Variants in LHX8 observed in about 807,000 individuals in gnomAD.
LHX8 encodes the protein LIM homeobox 8.
In LHX8, 12 loss-of-function variants were observed where a neutral mutation model predicts 40.3. The observed-to-expected ratio is 0.30, with a 90% confidence interval of 0.19 to 0.48. The LOEUF is 0.48. LHX8 is among the 20% of genes least tolerant of loss of function. The pLI, the probability that LHX8 is intolerant of heterozygous loss-of-function variation, is 0.99. For synonymous variants in LHX8, 179 were observed against 162.0 expected (o/e 1.10, Z -0.80); for missense variants, 344 against 433.7 (o/e 0.79, Z 1.84).
the LHX8 span, among the ~76,000 whole-genome samples, chr1:75,197,081 C>T: frequency 6.6e-6 from 1 of 151,950 alleles, no homozygotes; most frequent in East Asian, 1.9e-4. Context: ...TTTCTAATAG[C>T]AGGAAAAATT....
the LHX8 span, among the ~76,000 whole-genome samples, chr1:75,176,591 A>G: frequency 1.3e-5 from 2 of 152,154 alleles, no homozygotes; most frequent in African/African-American, 4.8e-5. Flanking sequence ...TCAGACGGGT[A>G]GATTGCAAAA....
At chr1:75,196,131 C>T in the LHX8 span, among the ~76,000 whole-genome samples, 1 of 152,120 alleles carries the variant, frequency 6.6e-6, no homozygotes, top group South Asian at 2.1e-4. Flanking sequence ...TAATAACGAT[C>T]GAGTTGGATT....
the LHX8 span, among the ~76,000 whole-genome samples, chr1:75,195,848 C>G: frequency 6.6e-6 from 1 of 152,020 alleles, no homozygotes; most frequent in Non-Finnish European, 1.5e-5. Context: ...CTTCAATTCC[C>G]TATACCTACT....
chr1:75,155,663 TG>T (rs1263379363), intron 7 of LHX8, among the ~76,000 whole-genome samples: 106 of 152,338 alleles, frequency 7.0e-4, no homozygotes, highest in African/African-American at 2.4e-3. Flanking sequence ...AAGCTCCACT[TG>T]CCCTGAATTT....
the LHX8 span, among the ~76,000 whole-genome samples, chr1:75,174,543 C>T: frequency 6.6e-6 from 1 of 152,182 alleles, no homozygotes; most frequent in Non-Finnish European, 1.5e-5. Context: ...ACACACGCCA[C>T]AGCCATTGCC....
In LHX8 at chr1:75,134,876, CA is replaced by C. The variant is rs367853943; in HGVS notation, c.-87del. 4.6e-4 allele frequency: 449 copies of C among 984,458 alleles called. 1 individual carries two copies. The African/African-American group carries it at 7.1e-3, about 16-fold the overall frequency. The allele number at this position is 984,458 out of a possible 1,614,324, so 61.0% of individuals were successfully genotyped here. On this transcript the variant is annotated 5_prime_UTR_variant, in exon 1 of 9. Coordinates refer to ENST00000356261, the MANE Select transcript of LHX8 (RefSeq NM_001256114.2). ...GTCAGTAATCATTGCACTCCCTCCC[CA>C]AAAGCTCACTTAACCTGAGACATGG...
chr1:75,159,474 A>G (rs1648858677), intron 8 of LHX8: 1 of 152,128 alleles, frequency 6.6e-6, no homozygotes, highest in Non-Finnish European at 1.5e-5. Context: ...TTTCTAGTTC[A>G]CTAATGCTCT....
Position 75,148,674 on chromosome 1 carries a change from G to A in LHX8, c.772G>A (p.Val258Met). 6.2e-7 allele frequency: 1 copy of A among 1,607,042 alleles called. No homozygotes were observed. The highest frequency in any genetic ancestry group is 8.5e-7 in the Non-Finnish European group (1 of 1,174,970). The change falls in exon 7 of 9, where the codon GTG becomes ATG. Residue 258 changes from valine (V) to methionine (M), a missense_variant. Physicochemically the swap from Val to Met is conservative, Grantham distance 21. Transcript: ENST00000356261. ...LAERTGLSRRVIQVWFQNCRA... is the reference protein window; with the variant it reads ...LAERTGLSRRMIQVWFQNCRA... ...AGAAAGGACAGGCTTGAGCAGACGT[G>A]TGATACAGGTGATTACTTTACTTTT...
At chr1:75,166,356 T>C (rs1159468612), downstream of LHX8, among the ~76,000 whole-genome samples, 2 of 152,246 alleles carry the variant, frequency 1.3e-5, no homozygotes, top group Admixed American at 6.5e-5. Context: ...TTCTGTGATT[T>C]GGATGTAGAG....
the LHX8 span, among the ~76,000 whole-genome samples, chr1:75,178,685 T>C: frequency 6.6e-6 from 1 of 152,230 alleles, no homozygotes; most frequent in African/African-American, 2.4e-5. Context: ...AGTTCTGCTC[T>C]GATCTTAGTT....
At chr1:75,197,283 T>C in the LHX8 span, among the ~76,000 whole-genome samples, 1 of 152,190 alleles carries the variant, frequency 6.6e-6, no homozygotes, top group South Asian at 2.1e-4. Context: ...AGATATTATC[T>C]ACTTCTCTCT....
In LHX8 at chr1:75,136,671, C is replaced by T; in HGVS notation, c.57C>T (p.Gly19=). Residue 19 remains glycine (G), a synonymous_variant, in exon 2 of 9, where the codon GGC becomes GGT. Transcript: ENST00000356261. ...TALAAGRTRK[G]AGEEGLVSPE... ...TGGCGGCCGGGAGGACTCGCAAAGG[C>T]GCCGGGGAAGAGGGACTGGTGAGTG... 1 of 1,547,098 alleles carries T rather than the reference C, an allele frequency of 6.5e-7. No homozygotes were observed. The highest frequency in any genetic ancestry group is 8.7e-7 in the Non-Finnish European group (1 of 1,146,594).
At position 75,143,220 on chromosome 1, in the gene LHX8, CT is replaced by C; in HGVS notation, c.466del (p.Ser156ProfsTer32). ...TCTATCACTTGGCATGCTTTGCCTG[CT>C]TTTCCTGCAAAAGGCAACTTTCCAC... Reference protein sequence around the residue: ...NVYHLACFACFSCKRQLSTGE... With the variant: ...NVYHLACFACXSCKRQLSTGE... On this transcript the variant is annotated frameshift_variant, in exon 5 of 9. Coordinates refer to ENST00000356261, the MANE Select transcript of LHX8 (RefSeq NM_001256114.2). LOFTEE classifies it high-confidence loss of function. 1 of 1,613,802 alleles carries C rather than the reference CT, an allele frequency of 6.2e-7. No homozygotes were observed. Among genetic ancestry groups the C allele is most frequent in the Non-Finnish European group, 8.5e-7 (1 of 1,179,786 alleles).
chr1:75,153,046 A>G (rs1247334572), intron 7 of LHX8, among the ~76,000 whole-genome samples: 1 of 151,802 alleles, frequency 6.6e-6, no homozygotes, highest in South Asian at 2.1e-4. Flanking sequence ...CACACAGAAC[A>G]TTTATATTTC....
the LHX8 span, among the ~76,000 whole-genome samples, chr1:75,171,195 A>AT: frequency 0.018 from 2,783 of 151,542 alleles, 68 homozygotes; most frequent in African/African-American, 0.055. Flanking sequence ...CCTTTTGTTG[A>AT]TTTTTTTTTA....
chr1:75,194,310 G>A, the LHX8 span, among the ~76,000 whole-genome samples: 3 of 152,164 alleles, frequency 2.0e-5, no homozygotes, highest in Admixed American at 1.3e-4. Flanking sequence ...CCTGCCATCT[G>A]GTTAGGGAGA....
At chr1:75,160,211 A>C (rs567264336) in intron 8 of LHX8, 1 of 152,598 alleles carries the variant, frequency 6.6e-6, no homozygotes, top group Non-Finnish European at 1.5e-5. Context: ...CAGATTTTAA[A>C]AATTTTGTCC....
At chr1:75,197,023 G>A in the LHX8 span, among the ~76,000 whole-genome samples, 3 of 151,934 alleles carry the variant, frequency 2.0e-5, no homozygotes, top group African/African-American at 4.8e-5. Context: ...AAACAACAAC[G>A]CAGAACAAAA....
intron 8 of LHX8, chr1:75,160,583 C>T (rs564932744): frequency 7.3e-6 from 4 of 544,904 alleles, no homozygotes; most frequent in African/African-American, 1.9e-5. Context: ...GGATGGAGGA[C>T]ATTAAAATGG....
Sources: gnomAD v4.1 joint callset for allele counts (sites outside exome capture counted in the v4.1 genomes callset) on GRCh38, gnomAD v4.1.1 for gene constraint, MANE v1.5 for transcripts, NCBI Gene and HGNC (gene_info 2026-07-23, HGNC 2026-07-21) for gene names.